DEGS2: variants seen among roughly 807,000 people sequenced by gnomAD.
DEGS2 encodes the protein delta 4-desaturase, sphingolipid 2.
Under a neutral mutation model 23.8 loss-of-function variants are expected in DEGS2, and 19 were observed. The ratio of observed to expected loss-of-function variants is 0.80; its 90% CI spans 0.56 to 1.17. DEGS2 has a LOEUF of 1.17. Ranked by LOEUF, DEGS2 falls within the 50% of genes most tolerant of loss-of-function variation. The pLI is 0.00. For missense variants in DEGS2, 390 were observed against 459.5 expected (o/e 0.85, Z 1.38); for synonymous variants, 218 against 213.7 (o/e 1.02, Z -0.18).
chr14:100,155,582 T>A (rs1889643979), intron 1 of DEGS2: 1 of 139,238 alleles, frequency 7.2e-6, no homozygotes, highest in Admixed American at 7.1e-5. Flanking sequence ...CAGGCCCCCG[T>A]ACGTTACAGA....
At position 100,146,772 on chromosome 14, in the gene DEGS2, CTT is replaced by C; in HGVS notation, c.959_960del (p.Lys320ArgfsTer27). 2 of 1,613,534 alleles carry C rather than the reference CTT, an allele frequency of 1.2e-6. No homozygotes were observed. Among genetic ancestry groups the C allele is most frequent in the Non-Finnish European group, 1.7e-6 (2 of 1,179,768 alleles). Reference protein sequence around the residue: ...ARVKRVYRLAKDGL With the variant: ...ARVKRVYRLAXDGL The stretch of plus-strand genomic sequence containing the variant: ...GAGGCAGCCCGGGCTCACAGACCAT[CTT>C]TTGCCAGCCTGTACACCCGCTTCAC... On this transcript the variant is annotated frameshift_variant, in exon 3 of 3. Coordinates refer to ENST00000305631, the MANE Select transcript of DEGS2 (RefSeq NM_206918.3). LOFTEE classifies it high-confidence loss of function.
chr14:100,159,391 C>A, intron 1 of DEGS2, 115 bp downstream of exon 1: 1 of 795,712 alleles, frequency 1.3e-6, no homozygotes, highest in Non-Finnish European at 1.8e-6. Flanking sequence ...TGGCGGAACG[C>A]CCACTGGAAT....
At position 100,146,824 on chromosome 14, in the gene DEGS2, C is replaced by T; in HGVS notation, c.909G>A (p.Glu303=). The part of the protein sequence containing the change: ...WVKVLWDFVF[E]DSLGPYARVK... ...CCCTGGCATAGGGCCCCAGGGAGTC[C>T]TCAAACACAAAATCCCAGAGCACCT... Residue 303 remains glutamate, a synonymous_variant, in exon 3 of 3, where the codon GAG becomes GAA. Coordinates refer to ENST00000305631, the MANE Select transcript of DEGS2 (RefSeq NM_206918.3). The T allele has an allele frequency of 1.2e-6, 2 of 1,613,840 alleles. No homozygotes were observed. The highest frequency in any genetic ancestry group is 1.7e-6 in the Non-Finnish European group (2 of 1,179,916).
At chr14:100,150,345 C>T (rs1388971885) in intron 1 of DEGS2, among the ~76,000 whole-genome samples, 2 of 152,018 alleles carry the variant, frequency 1.3e-5, no homozygotes, top group Admixed American at 6.5e-5. Flanking sequence ...GTAGCCAATC[C>T]GCCTGGGGGC....
upstream of DEGS2, among the ~76,000 whole-genome samples, chr14:100,164,232 C>T (rs927911727): frequency 1.3e-5 from 2 of 152,090 alleles, no homozygotes; most frequent in African/African-American, 2.4e-5. Flanking sequence ...CGCGCCCAGC[C>T]GTCCTTGTCT....
chr14:100,156,520 A>G (rs982791352), intron 1 of DEGS2, among the ~76,000 whole-genome samples: 4 of 152,216 alleles, frequency 2.6e-5, no homozygotes, highest in Non-Finnish European at 5.9e-5. Flanking sequence ...ATGATTTATT[A>G]ACCCCTTTTC....
At position 100,144,528 on chromosome 14, in the gene DEGS2, CAGGGCCCTGCG is replaced by C. The variant is rs1010373729; in HGVS notation, c.*2222_*2232del. 1 of 152,356 alleles carries C rather than the reference CAGGGCCCTGCG, an allele frequency of 6.6e-6. No individual in the cohort carries two copies. The highest frequency in any genetic ancestry group is 2.4e-5 in the African/African-American group (1 of 41,456). The allele number at this position is 152,356 out of a possible 1,614,324, so 9.4% of individuals were successfully genotyped here. On this transcript the variant is annotated 3_prime_UTR_variant, in exon 3 of 3. Transcript: ENST00000305631. ...AGGACTCCACGTGCATTCTGACGGG[CAGGGCCCTGCG>C]AGCGTCCTGTTCAGGGGAGGGATGG...
rs781074634 is a variant in DEGS2 at position 100,149,459 on chromosome 14, C to T, written c.334G>A (p.Ala112Thr). The change falls in exon 2 of 3, where the codon GCC (alanine) becomes ACC (threonine). Residue 112 changes from alanine to threonine, a missense_variant. Transcript: ENST00000305631. ...TAGGGCACACCCACGGGCAGGTTGG[C>T]GAACACGGCCAGCCAGCGGTTGCGT... ...AARNRWLAVF[A>T]NLPVGVPYAA... 70 of 1,594,300 alleles carry T rather than the reference C, an allele frequency of 4.4e-5. No homozygotes were observed. Among genetic ancestry groups the T allele is most frequent in the Non-Finnish European group, 5.8e-5 (68 of 1,170,152 alleles).
rs1889511871 is a variant in DEGS2 at position 100,149,084 on chromosome 14, G to A, written c.709C>T (p.Leu237Phe). 5 of 1,612,936 alleles carry A rather than the reference G, an allele frequency of 3.1e-6. No homozygotes were observed. Among genetic ancestry groups the A allele is most frequent in the Non-Finnish European group, 3.4e-6 (4 of 1,179,982 alleles). Residue 237 changes from leucine to phenylalanine, a missense_variant, in exon 2 of 3, where the codon CTC becomes TTC. Leu to Phe is a conservative substitution (Grantham distance 22, BLOSUM62 0). Transcript: ENST00000305631. Reference sequence around the variant, plus strand: ...TAGGAGTAGGTCTCGTGGCCCTTGAGGAACATGTAGTGCTCGGCCACGAAG... The same window carrying A: ...TAGGAGTAGGTCTCGTGGCCCTTGAAGAACATGTAGTGCTCGGCCACGAAG... ...GHFVAEHYMFLKGHETYSYYG... is the reference protein window; with the variant it reads ...GHFVAEHYMFFKGHETYSYYG...
At chr14:100,159,361 C>A in intron 1 of DEGS2, 145 bp downstream of exon 1, 1 of 623,472 alleles carries the variant, frequency 1.6e-6, no homozygotes, top group East Asian at 3.5e-5. Flanking sequence ...GGCCGGGGAC[C>A]CCAGGGAGGG....
intron 1 of DEGS2, among the ~76,000 whole-genome samples, chr14:100,154,287 C>T (rs1424645981): frequency 3.3e-5 from 5 of 151,466 alleles, no homozygotes; most frequent in Non-Finnish European, 5.9e-5. Context: ...ATTGCTTGAA[C>T]CTGGGAGGCA....
intron 1 of DEGS2, among the ~76,000 whole-genome samples, chr14:100,158,309 G>A (rs1033887404): frequency 6.6e-6 from 1 of 152,102 alleles, no homozygotes; most frequent in African/African-American, 2.4e-5. Context: ...TACTCAGGAG[G>A]CTGAGGTAGG....
chr14:100,147,251 A>G (rs1489323855), intron 2 of DEGS2, among the ~76,000 whole-genome samples: 1 of 152,164 alleles, frequency 6.6e-6, no homozygotes, highest in Non-Finnish European at 1.5e-5. Flanking sequence ...CCACGGGCTC[A>G]GCTCAGAGCG....
intron 1 of DEGS2, among the ~76,000 whole-genome samples, chr14:100,150,711 T>TGTGCAGCCGCCTTTCAGGGAGCCCC (rs1168013419): frequency 2.0e-5 from 3 of 152,180 alleles, no homozygotes; most frequent in African/African-American, 7.2e-5. Flanking sequence ...CCCTGTGCCC[T>TGTGCAGCCGCCTTTCAGGGAGCCCC]GTGCAGCCGC....
At chr14:100,164,461 C>T (rs1005264301), upstream of DEGS2, among the ~76,000 whole-genome samples, 1 of 152,034 alleles carries the variant, frequency 6.6e-6, no homozygotes. Context: ...CATGCTGCAA[C>T]CCCGTCTCTA....
rs1889399060 is a variant in DEGS2, at chr14:100,144,540, A to G, written c.*2221T>C. ...GCATTCTGACGGGCAGGGCCCTGCG[A>G]GCGTCCTGTTCAGGGGAGGGATGGA... On this transcript the variant is annotated 3_prime_UTR_variant, in exon 3 of 3. Coordinates refer to ENST00000305631, the MANE Select transcript of DEGS2 (RefSeq NM_206918.3). 6.6e-6 allele frequency: 1 copy of G among 152,344 alleles called. No individual in the cohort carries two copies. Among genetic ancestry groups the G allele is most frequent in the South Asian group, 2.1e-4 (1 of 4,834 alleles). The allele number at this position is 152,344 out of a possible 1,614,324, so 9.4% of individuals were successfully genotyped here. A position where few individuals can be genotyped will look rare whatever the true frequency, so the allele number is the denominator to read the frequency against.
Position 100,149,572 on chromosome 14 carries a change from T to C in DEGS2, c.221A>G (p.Tyr74Cys). ...LAWRWLLFWA[Y>C]AFGGCVNHSL... ...GTGGTTCACGCAGCCACCAAAGGCG[T>C]AGGCCCAGAACAGCAGCCAGCGCCA... The change falls in exon 2 of 3, where the codon TAC becomes TGC. Residue 74 changes from tyrosine to cysteine, a missense_variant. By Grantham distance (194) the Tyr-to-Cys change is radical. Transcript: ENST00000305631. 1 of 1,608,762 alleles carries C rather than the reference T, an allele frequency of 6.2e-7. No homozygotes were observed. The highest frequency in any genetic ancestry group is 8.5e-7 in the Non-Finnish European group (1 of 1,178,844).
chr14:100,155,811 G>A (rs1236137978), intron 1 of DEGS2: 2 of 152,040 alleles, frequency 1.3e-5, no homozygotes, highest in Non-Finnish European at 1.5e-5. Flanking sequence ...ATTACCATGT[G>A]TGCCCTGCTT....
chr14:100,154,026 AC>A (rs1465030837), intron 1 of DEGS2, among the ~76,000 whole-genome samples: 12 of 152,174 alleles, frequency 7.9e-5, no homozygotes, highest in Admixed American at 7.9e-4. Flanking sequence ...CTCCATCAGC[AC>A]CGATCTAGTG....
Sources: gnomAD v4.1 joint callset for allele counts (sites outside exome capture counted in the v4.1 genomes callset) on GRCh38, gnomAD v4.1.1 for gene constraint, MANE v1.5 for transcripts, NCBI Gene and HGNC (gene_info 2026-07-23, HGNC 2026-07-21) for gene names.